EPHA6: variants seen among roughly 807,000 people sequenced by gnomAD.
The protein encoded by EPHA6 is EPH receptor A6.
Under a neutral mutation model 112.0 loss-of-function variants are expected in EPHA6, and 50 were observed. The ratio of observed to expected loss-of-function variants is 0.45; its 90% CI spans 0.36 to 0.56. EPHA6 has a LOEUF of 0.56. EPHA6 is among the 20% of genes least tolerant of loss of function. EPHA6 has a pLI of 0.00. For missense variants in EPHA6, 1,280 were observed against 1,417.4 expected (o/e 0.90, Z 1.56); for synonymous variants, 529 against 490.7 (o/e 1.08, Z -1.03).
At chr3:97,184,266 C>G (rs761011314) in intron 3 of EPHA6, among the ~76,000 whole-genome samples, 37 of 152,216 alleles carry the variant, frequency 2.4e-4, no homozygotes, top group South Asian at 4.1e-4. Flanking sequence ...AAGCAACTTT[C>G]CAATCAACAG....
chr3:97,219,134 C>T (rs1179650037), intron 3 of EPHA6, among the ~76,000 whole-genome samples: 1 of 152,132 alleles, frequency 6.6e-6, no homozygotes, highest in Non-Finnish European at 1.5e-5. Flanking sequence ...CTCCTGGCTG[C>T]TTTTATGGGC....
At chr3:97,029,962 A>G (rs1344120013) in intron 3 of EPHA6, among the ~76,000 whole-genome samples, 1 of 152,076 alleles carries the variant, frequency 6.6e-6, no homozygotes, top group Admixed American at 6.6e-5. Flanking sequence ...TTCATCAAAA[A>G]TATACTTACC....
intron 5 of EPHA6, among the ~76,000 whole-genome samples, chr3:97,324,427 TTCTTTC>T (rs1168565314): frequency 8.2e-5 from 12 of 146,336 alleles, no homozygotes; most frequent in African/African-American, 2.3e-4. Context: ...CTTTCTTTCT[TTCTTTC>T]TTTCTTTCTT....
chr3:97,003,512 T>C (rs991640405), intron 3 of EPHA6, among the ~76,000 whole-genome samples: 2 of 151,922 alleles, frequency 1.3e-5, no homozygotes, highest in African/African-American at 4.8e-5. Context: ...TCCCACAGAG[T>C]TTCTTGTTGC....
intron 3 of EPHA6, among the ~76,000 whole-genome samples, chr3:97,031,380 G>A (rs2044834009): frequency 6.6e-6 from 1 of 152,040 alleles, no homozygotes; most frequent in African/African-American, 2.4e-5. Context: ...CAGGACATAG[G>A]CATGGGCAAG....
intron 10 of EPHA6, among the ~76,000 whole-genome samples, chr3:97,515,087 G>A (rs897973477): frequency 6.6e-6 from 1 of 152,180 alleles, no homozygotes; most frequent in Non-Finnish European, 1.5e-5. Context: ...GACGATAGTT[G>A]GTGGTGATGA....
intron 14 of EPHA6, among the ~76,000 whole-genome samples, chr3:97,712,574 A>C (rs1471063396): frequency 1.3e-5 from 2 of 152,190 alleles, no homozygotes; most frequent in Non-Finnish European, 2.9e-5. Flanking sequence ...TGTGTCCTAC[A>C]TTATCTACCT....
chr3:97,153,857 A>G (rs1413222376), intron 3 of EPHA6, among the ~76,000 whole-genome samples: 3 of 152,064 alleles, frequency 2.0e-5, no homozygotes, highest in South Asian at 2.1e-4. Flanking sequence ...GTGAACACTG[A>G]TACTTCCTAA....
chr3:97,615,585 G>A (rs983615694), intron 13 of EPHA6, among the ~76,000 whole-genome samples: 1 of 152,116 alleles, frequency 6.6e-6, no homozygotes, highest in African/African-American at 2.4e-5. Context: ...AGAGTTCCTG[G>A]GGGGAGGGGC....
chr3:97,378,103 GT>G (rs1177660335), intron 5 of EPHA6, among the ~76,000 whole-genome samples: 4 of 152,120 alleles, frequency 2.6e-5, no homozygotes, highest in Non-Finnish European at 5.9e-5. Context: ...GGAAAAAATG[GT>G]TTTATGGGCA....
At chr3:96,819,383 G>T (rs78369047) in intron 1 of EPHA6, among the ~76,000 whole-genome samples, 2,012 of 152,058 alleles carry the variant, frequency 0.013, 49 homozygotes, top group African/African-American at 0.044. Flanking sequence ...AAGTACAAAA[G>T]ATATAAATTT....
intron 6 of EPHA6, among the ~76,000 whole-genome samples, chr3:97,448,133 A>T (rs1368103612): frequency 6.6e-6 from 1 of 152,138 alleles, no homozygotes. Flanking sequence ...AGGTCTACCC[A>T]CGGATAGCGC....
rs148529072 is a variant in EPHA6 at position 97,433,464 on chromosome 3, C to T, written c.1732-15104C>T. Among the ~76,000 whole-genome samples the T allele has an allele frequency of 2.2e-4, 34 of 152,170 alleles. No individual in the cohort carries two copies. In the East Asian group the frequency reaches 6.4e-3, roughly 29 times the overall value. On this transcript the variant is annotated intron_variant, in intron 6 of 17. Transcript: ENST00000389672. ...AATGAACCAACAGGAGAGTTGCTGA[C>T]TTTGGAACATATGAATATATAAAAA...
chr3:97,659,080 A>G (rs925871301), intron 14 of EPHA6, among the ~76,000 whole-genome samples: 1 of 152,016 alleles, frequency 6.6e-6, no homozygotes, highest in Non-Finnish European at 1.5e-5. Context: ...GAGAGGAAGG[A>G]GCAAATGAAA....
At chr3:96,950,790 C>T (rs2041495959) in intron 2 of EPHA6, among the ~76,000 whole-genome samples, 2 of 151,982 alleles carry the variant, frequency 1.3e-5, no homozygotes, top group South Asian at 4.1e-4. Context: ...TCATAATTGC[C>T]TTTTCCATGT....
chr3:97,643,085 T>C (rs962538996), intron 14 of EPHA6, among the ~76,000 whole-genome samples: 10 of 152,242 alleles, frequency 6.6e-5, no homozygotes, highest in South Asian at 4.2e-4. Context: ...CGACTAACAG[T>C]GGATCTCTCG....
chr3:96,858,162 T>A (rs760588613), intron 1 of EPHA6, among the ~76,000 whole-genome samples: 8 of 152,110 alleles, frequency 5.3e-5, no homozygotes, highest in Non-Finnish European at 1.2e-4. Context: ...GAAGAGGCAA[T>A]CATGACCCAT....
At chr3:97,627,402 G>A (rs2093867131) in intron 13 of EPHA6, among the ~76,000 whole-genome samples, 1 of 151,786 alleles carries the variant, frequency 6.6e-6, no homozygotes, top group Non-Finnish European at 1.5e-5. Flanking sequence ...GGCAGAGAAG[G>A]TCTCACTGAA....
At chr3:96,872,767 T>G (rs1032414050) in intron 2 of EPHA6, among the ~76,000 whole-genome samples, 1 of 152,056 alleles carries the variant, frequency 6.6e-6, no homozygotes, top group Admixed American at 6.6e-5. Context: ...TTCTTTATAT[T>G]TGCTTTTTTT....
Sources: gnomAD v4.1 joint callset for allele counts (sites outside exome capture counted in the v4.1 genomes callset) on GRCh38, gnomAD v4.1.1 for gene constraint, MANE v1.5 for transcripts, NCBI Gene and HGNC (gene_info 2026-07-23, HGNC 2026-07-21) for gene names.